NLRP5: variants seen among roughly 807,000 people sequenced by gnomAD.
NLRP5 encodes NLR family pyrin domain containing 5, also known as NACHT, LRR and PYD domains-containing protein 5.
A neutral mutation model predicts 113.1 loss-of-function variants in NLRP5; 93 were observed. The observed-to-expected ratio is 0.82, with a 90% confidence interval of 0.70 to 0.98. The LOEUF is 0.98. Ranked by LOEUF, NLRP5 falls within the 50% of genes least tolerant of loss-of-function variation. The pLI is 0.00. For missense variants in NLRP5, 1,808 were observed against 1,514.3 expected, an observed-to-expected ratio of 1.19 and a Z score of -3.22; for synonymous variants, 751 against 600.7, an observed-to-expected ratio of 1.25 and a Z score of -3.66.
chr19:56,041,084 G>A lies in NLRP5; in HGVS notation c.2949G>A (p.Gln983=). Residue 983 remains glutamine (Q), a synonymous_variant, in exon 11 of 15, where the codon CAG becomes CAA. Transcript: ENST00000390649. ...TGAGGCTTCCCCACTGTAGTCTGCA[G>A]AGGCTGATGTGAGTCTGGCTTGCTC... 6.2e-7 allele frequency: 1 copy of A among 1,613,922 alleles called. No individual in the cohort carries two copies. Among genetic ancestry groups the A allele is most frequent in the Non-Finnish European group, 8.5e-7 (1 of 1,179,818 alleles).
upstream of NLRP5, among the ~76,000 whole-genome samples, chr19:55,997,995 A>G (rs888766036): frequency 2.0e-5 from 3 of 152,212 alleles, no homozygotes; most frequent in African/African-American, 7.2e-5. Context: ...AGGAAGTACT[A>G]TCTACTCTTA....
intron 6 of NLRP5, among the ~76,000 whole-genome samples, chr19:56,021,421 C>T (rs1345578474): frequency 6.6e-6 from 1 of 152,170 alleles, no homozygotes; most frequent in Non-Finnish European, 1.5e-5. Context: ...ACTGTCATCA[C>T]TAATTCCAAG....
upstream of NLRP5, among the ~76,000 whole-genome samples, chr19:55,999,212 CTTTT>C (rs906346601): frequency 1.8e-5 from 2 of 111,712 alleles, no homozygotes; most frequent in Admixed American, 1.1e-4. Context: ...TTTTCTTTTT[CTTTT>C]TTTTTTTTTT....
intron 10 of NLRP5, 68 bp downstream of exon 10, chr19:56,038,263 C>T (rs1983394438): frequency 6.6e-7 from 1 of 1,515,348 alleles, no homozygotes; most frequent in Non-Finnish European, 9.1e-7. Flanking sequence ...CTTCGATTCT[C>T]CAGGTCATGG....
chr19:55,997,503 A>C (rs950028788), upstream of NLRP5, among the ~76,000 whole-genome samples: 1 of 152,040 alleles, frequency 6.6e-6, no homozygotes, highest in African/African-American at 2.4e-5. Context: ...CAATTCTCGG[A>C]ATAGTTTGAG....
chr19:56,048,940 T>C (rs1459413560), intron 11 of NLRP5, among the ~76,000 whole-genome samples: 1 of 149,756 alleles, frequency 6.7e-6, no homozygotes, highest in African/African-American at 2.4e-5. Context: ...ATTGGGTTAA[T>C]TCAAAGACCT....
chr19:56,027,238 C>A lies in NLRP5; in HGVS notation c.1005C>A (p.Phe335Leu). 6.2e-7 allele frequency: 1 copy of A among 1,612,704 alleles called. No homozygotes were observed. Among genetic ancestry groups the A allele is most frequent in the South Asian group, 1.1e-5 (1 of 90,888 alleles). The change falls in exon 7 of 15, where the codon TTC (phenylalanine) becomes TTA (leucine). Residue 335 changes from phenylalanine to leucine, a missense_variant. Physicochemically the swap from Phe to Leu is conservative, Grantham distance 22. Transcript: ENST00000390649. ...AGAAGGAGAGCAGTGTCACAGAGTTCATCTCCAGGGAGTGGCCAGACTCCC... is the reference window on the plus strand; with the variant it reads ...AGAAGGAGAGCAGTGTCACAGAGTTAATCTCCAGGGAGTGGCCAGACTCCC...
intron 7 of NLRP5, among the ~76,000 whole-genome samples, chr19:56,030,061 T>TA (rs1290841210): frequency 2.9e-5 from 4 of 139,620 alleles, no homozygotes; most frequent in Non-Finnish European, 4.7e-5. Flanking sequence ...TCTCAAAAAA[T>TA]AAAAAAAGCC....
intron 3 of NLRP5, among the ~76,000 whole-genome samples, chr19:56,014,380 T>C (rs1030874067): frequency 1.3e-5 from 2 of 150,278 alleles, no homozygotes; most frequent in Non-Finnish European, 3.0e-5. Context: ...CTTGAGAGAG[T>C]GAGGCAGGGG....
At chr19:56,037,979 G>A (rs1021666870) in intron 9 of NLRP5, 46 bp from the exon 10 acceptor site, 23 of 1,606,276 alleles carry the variant, frequency 1.4e-5, no homozygotes, top group Non-Finnish European at 1.9e-5. Flanking sequence ...GAAATGGGCT[G>A]CTTTGGACAA....
intron 14 of NLRP5, 125 bp from the exon 15 acceptor site, chr19:56,061,271 G>T: frequency 1.1e-6 from 1 of 944,864 alleles, no homozygotes; most frequent in South Asian, 2.1e-5. Context: ...TTAACTCTTT[G>T]GGGCACGTTC....
chr19:56,038,319 G>T, intron 10 of NLRP5, 124 bp downstream of exon 10: 1 of 1,069,252 alleles, frequency 9.4e-7, no homozygotes, highest in Non-Finnish European at 1.4e-6. Context: ...GAGGAAGGAA[G>T]TTGGGACCTC....
At chr19:56,057,489 C>T (rs576992325) in intron 13 of NLRP5, among the ~76,000 whole-genome samples, 83 of 152,266 alleles carry the variant, frequency 5.5e-4, no homozygotes, top group African/African-American at 1.9e-3. Context: ...GTCTCCTTTC[C>T]GCAAGCACAG....
At position 56,028,377 on chromosome 19, in the gene NLRP5, A is replaced by C; in HGVS notation, c.2144A>C (p.Asn715Thr). Reference sequence around the variant, plus strand: ...TTCCAAGAAGTGTGGCTTCCGATTAACCAGAACCTGGACTTGATAGCATCT... The same window carrying C: ...TTCCAAGAAGTGTGGCTTCCGATTACCCAGAACCTGGACTTGATAGCATCT... The change falls in exon 7 of 15, where the codon AAC becomes ACC. Residue 715 changes from asparagine (N) to threonine (T), a missense_variant. Asn to Thr is a moderately conservative substitution (Grantham distance 65). Transcript: ENST00000390649. 6.2e-7 allele frequency: 1 copy of C among 1,613,968 alleles called. No individual in the cohort carries two copies. The highest frequency in any genetic ancestry group is 8.5e-7 in the Non-Finnish European group (1 of 1,179,872).
At chr19:56,028,975 G>A (rs919046082) in intron 7 of NLRP5, among the ~76,000 whole-genome samples, 1 of 152,098 alleles carries the variant, frequency 6.6e-6, no homozygotes, top group Non-Finnish European at 1.5e-5. Flanking sequence ...ACGTTGGCCA[G>A]GCTGGTCTCG....
At chr19:55,998,627 C>T (rs768645468), upstream of NLRP5, among the ~76,000 whole-genome samples, 24 of 143,092 alleles carry the variant, frequency 1.7e-4, no homozygotes, top group Non-Finnish European at 2.3e-4. Flanking sequence ...TACTCCAGCC[C>T]GGGCGACAAT....
chr19:56,050,630 G>C lies in NLRP5; in HGVS notation c.3128+42G>C, dbSNP rs1264470461. 3.2e-6 allele frequency: 5 copies of C among 1,573,604 alleles called. No individual in the cohort carries two copies. The Admixed American group carries it at 9.0e-5, about 28-fold the overall frequency. ...CGTTGGGTCAACTCTATCATACTGG[G>C]GTCTGGAGTTCCTGAAAGGTCAAGA... On this transcript the variant is annotated intron_variant, in intron 12 of 14. Transcript: ENST00000390649.
intron 9 of NLRP5, 116 bp from the exon 10 acceptor site, chr19:56,037,909 C>A: frequency 9.9e-7 from 1 of 1,007,210 alleles, no homozygotes; most frequent in Non-Finnish European, 1.5e-6. Flanking sequence ...GAGGCAGGAG[C>A]AGACAGAGTT....
Position 56,053,788 on chromosome 19 carries a change from C to G in NLRP5, c.3279C>G (p.Asn1093Lys). ...TGTGCGAGGGACTGAAGCAAAAGAA[C>G]AGTGTTCTGGCGAGACTCGGGTAAC... The change falls in exon 13 of 15, where the codon AAC becomes AAG. Residue 1093 changes from asparagine to lysine, a missense_variant. Physicochemically the swap from Asn to Lys is moderately conservative, Grantham distance 94. Coordinates refer to ENST00000390649, the MANE Select transcript of NLRP5 (RefSeq NM_153447.4). 1.2e-6 allele frequency: 2 copies of G among 1,613,886 alleles called. No homozygotes were observed. Among genetic ancestry groups the G allele is most frequent in the Non-Finnish European group, 1.7e-6 (2 of 1,179,862 alleles).
Sources: allele counts gnomAD v4.1 joint callset (sites outside exome capture counted in the v4.1 genomes callset), GRCh38; gene constraint gnomAD v4.1.1; transcripts MANE v1.5; gene names NCBI Gene and HGNC (gene_info 2026-07-23, HGNC 2026-07-21).